TLN2: variants seen among roughly 807,000 people sequenced by gnomAD.
The protein encoded by TLN2 is talin-2.
A neutral mutation model predicts 294.7 loss-of-function variants in TLN2; 118 were observed. The observed-to-expected ratio is 0.40, with a 90% CI of 0.34 to 0.47. TLN2 has a LOEUF of 0.47. Among genes scored for constraint, TLN2 ranks in the 20% least tolerant of loss-of-function variants. The probability of loss-of-function intolerance (pLI) is 0.84; values close to 1 mark genes in which losing one functional copy is unlikely to be tolerated. For missense variants in TLN2, 3,083 were observed against 3,282.2 expected (o/e 0.94, Z 1.48); for synonymous variants, 1,431 against 1,304.5 (o/e 1.10, Z -2.09).
chr15:62,649,630 A>G (rs1596492477), intron 4 of TLN2, among the ~76,000 whole-genome samples: 1 of 152,122 alleles, frequency 6.6e-6, no homozygotes, highest in Non-Finnish European at 1.5e-5. Flanking sequence ...GGGATGATGG[A>G]GGGGTCACTG....
chr15:62,834,974 G>A (rs138236732), intron 55 of TLN2: 24 of 152,282 alleles, frequency 1.6e-4, no homozygotes, highest in Admixed American at 1.0e-3. Flanking sequence ...GTGAACTATA[G>A]TATTATAGGC....
intron 52 of TLN2, among the ~76,000 whole-genome samples, chr15:62,815,896 G>C (rs2067074943): frequency 6.6e-6 from 1 of 152,154 alleles, no homozygotes; most frequent in African/African-American, 2.4e-5. Context: ...CTTTGCCTGT[G>C]TTACAGATGC....
intron 35 of TLN2, among the ~76,000 whole-genome samples, chr15:62,752,772 A>T (rs1225802816): frequency 6.6e-6 from 1 of 152,242 alleles, no homozygotes; most frequent in Non-Finnish European, 1.5e-5. Context: ...GGCTTTAGAA[A>T]TGCGAAACTG....
chr15:62,662,719 C>G (rs2054001706), intron 9 of TLN2, among the ~76,000 whole-genome samples: 1 of 150,810 alleles, frequency 6.6e-6, no homozygotes, highest in Non-Finnish European at 1.5e-5. Flanking sequence ...AAGATGATAA[C>G]TATTAAGTAA....
chr15:62,678,421 C>G (rs917146979), intron 11 of TLN2, among the ~76,000 whole-genome samples: 1 of 152,148 alleles, frequency 6.6e-6, no homozygotes, highest in Non-Finnish European at 1.5e-5. Context: ...AACTCAACAT[C>G]CTTTTATTAA....
At chr15:62,666,671 A>G (rs2054689172) in intron 9 of TLN2, among the ~76,000 whole-genome samples, 1 of 152,036 alleles carries the variant, frequency 6.6e-6, no homozygotes, top group Admixed American at 6.6e-5. Context: ...TTTTCTTGCC[A>G]CTCTAGGCGT....
At chr15:62,542,681 G>A (rs1220840600) in intron 1 of TLN2, among the ~76,000 whole-genome samples, 1 of 152,042 alleles carries the variant, frequency 6.6e-6, no homozygotes, top group African/African-American at 2.4e-5. Context: ...TTCAGGTATG[G>A]TTCAATCCAG....
At chr15:62,583,304 T>C (rs2045297003) in intron 1 of TLN2, among the ~76,000 whole-genome samples, 1 of 152,184 alleles carries the variant, frequency 6.6e-6, no homozygotes, top group Admixed American at 6.5e-5. Flanking sequence ...TCTTTTTCCT[T>C]CCCCCAAAGG....
chr15:62,404,469 C>T lies in TLN2; in HGVS notation c.-238+13784C>T, dbSNP rs574818672. 4.6e-5 allele frequency among the ~76,000 whole-genome samples: 7 copies of T among 152,260 alleles called. No homozygotes were observed. In the South Asian group the frequency reaches 1.5e-3, roughly 32 times the overall value. ...GGAGATGTCTCCTTCTTCTCCTAAGCATTTGAGCTCATTGGGGAGTTCAGT... is the reference window on the plus strand; with the variant it reads ...GGAGATGTCTCCTTCTTCTCCTAAGTATTTGAGCTCATTGGGGAGTTCAGT... On this transcript the variant is annotated intron_variant, in intron 1 of 58. Coordinates refer to ENST00000636159, the MANE Select transcript of TLN2 (RefSeq NM_015059.3).
intron 11 of TLN2, among the ~76,000 whole-genome samples, chr15:62,684,865 A>T (rs2057152978): frequency 6.7e-6 from 1 of 149,864 alleles, no homozygotes; most frequent in Admixed American, 6.7e-5. Flanking sequence ...GATGGTGCTT[A>T]TTAAGTATCT....
At chr15:62,793,311 T>G (rs1318973347) in intron 46 of TLN2, among the ~76,000 whole-genome samples, 1 of 143,726 alleles carries the variant, frequency 7.0e-6, no homozygotes, top group Non-Finnish European at 1.6e-5. Flanking sequence ...AAGCAGAAAC[T>G]TGTCCTCGGT....
chr15:62,436,746 C>T (rs1396802155), intron 1 of TLN2, among the ~76,000 whole-genome samples: 1 of 152,114 alleles, frequency 6.6e-6, no homozygotes, highest in Non-Finnish European at 1.5e-5. Context: ...TTTTTAGAGG[C>T]AGGGTCTCAC....
chr15:62,548,065 G>A (rs902281628), intron 1 of TLN2, among the ~76,000 whole-genome samples: 6 of 152,168 alleles, frequency 3.9e-5, no homozygotes, highest in African/African-American at 1.4e-4. Context: ...GACTATGCTT[G>A]TGGAAAGATA....
Position 62,776,894 on chromosome 15 carries a change from C to G in TLN2, c.5498C>G (p.Ala1833Gly). ...GTTGGGGGCATGGTGGACGCCATTGCAGAAGCCATGAGCAAGGTGGGCATG... is the reference window on the plus strand; with the variant it reads ...GTTGGGGGCATGGTGGACGCCATTGGAGAAGCCATGAGCAAGGTGGGCATG... ...GLVGGMVDAI[A>G]EAMSKLDEGT... The change falls in exon 43 of 59, where the codon GCA (alanine) becomes GGA (glycine). Residue 1833 changes from alanine to glycine, a missense_variant. Transcript: ENST00000636159. 1.9e-6 allele frequency: 3 copies of G among 1,580,454 alleles called. No homozygotes were observed. The highest frequency in any genetic ancestry group is 1.7e-4 in the Middle Eastern group (1 of 5,940).
At chr15:62,643,204 G>C (rs2051349272) in intron 3 of TLN2, among the ~76,000 whole-genome samples, 1 of 151,940 alleles carries the variant, frequency 6.6e-6, no homozygotes, top group Non-Finnish European at 1.5e-5. Flanking sequence ...AAAATATCTT[G>C]TCTTTAAATA....
chr15:62,504,404 T>A (rs1021543502), intron 1 of TLN2, among the ~76,000 whole-genome samples: 24 of 152,296 alleles, frequency 1.6e-4, no homozygotes, highest in South Asian at 4.1e-4. Flanking sequence ...GTTGGAGGGC[T>A]TACACTACCT....
chr15:62,812,521 A>C (rs1567660492), intron 52 of TLN2, among the ~76,000 whole-genome samples: 1 of 152,216 alleles, frequency 6.6e-6, no homozygotes. Flanking sequence ...GCAAAAATGC[A>C]GCTTATTTAG....
At chr15:62,421,998 C>T (rs1411708681) in intron 1 of TLN2, among the ~76,000 whole-genome samples, 1 of 151,956 alleles carries the variant, frequency 6.6e-6, no homozygotes, top group Admixed American at 6.6e-5. Flanking sequence ...CAGTAGCTCA[C>T]ACCTGTAATC....
intron 1 of TLN2, among the ~76,000 whole-genome samples, chr15:62,528,529 C>G (rs1349943970): frequency 6.6e-6 from 1 of 152,138 alleles, no homozygotes; most frequent in Non-Finnish European, 1.5e-5. Context: ...TCCTGAGGGC[C>G]AGATCTGAGA....
Sources: allele counts gnomAD v4.1 joint callset (sites outside exome capture counted in the v4.1 genomes callset), GRCh38; gene constraint gnomAD v4.1.1; transcripts MANE v1.5; gene names NCBI Gene and HGNC (gene_info 2026-07-23, HGNC 2026-07-21).